The following TRPC3 variants were observed in gnomAD, a reference collection of about 807,000 sequenced individuals.
TRPC3 encodes transient receptor potential cation channel subfamily C member 3, also known as short transient receptor potential channel 3.
Under a neutral mutation model 90.9 loss-of-function variants are expected in TRPC3, and 54 were observed. The ratio of observed to expected loss-of-function variants is 0.59; its 90% CI spans 0.48 to 0.75. TRPC3 has a LOEUF of 0.75. Ranked by LOEUF, TRPC3 falls within the 30% of genes least tolerant of loss-of-function variation. The pLI is 0.00. For missense variants in TRPC3, 918 were observed against 1,194.5 expected (o/e 0.77, Z 3.41); for synonymous variants, 424 against 450.9 (o/e 0.94, Z 0.75).
At chr4:121,914,705 T>C in intron 4 of TRPC3, 75 bp downstream of exon 4, 2 of 1,385,220 alleles carry the variant, frequency 1.4e-6, no homozygotes, top group Admixed American at 4.5e-5. Context: ...TTCTTAAGCA[T>C]GAAGCTTTTT....
Position 121,932,558 on chromosome 4 carries a change from T to C in TRPC3, c.700A>G (p.Ile234Val), listed in dbSNP as rs1729978744. The change falls in exon 2 of 12, where the codon ATC becomes GTC. Residue 234 changes from isoleucine to valine, a missense_variant. Physicochemically the swap from Ile to Val is conservative, Grantham distance 29 (BLOSUM62 3). Coordinates refer to ENST00000379645, the MANE Select transcript of TRPC3 (RefSeq NM_001130698.2). This position sits in a 1 kb window ranked among gnomAD's most constrained non-coding sequence, Gnocchi z 7.7. ...TGCGCCGCCAGGATGATGGGGGTGA[T>C]GTCCGGCGAGAAGCGCGTGCCGTCC... ...DEDGTRFSPD[I>V]TPIILAAHCQ... 1.2e-6 allele frequency: 2 copies of C among 1,614,100 alleles called. No homozygotes were observed. Among genetic ancestry groups the C allele is most frequent in the African/African-American group, 1.3e-5 (1 of 74,946 alleles).
chr4:121,875,049 A>T lies in TRPC3; in HGVS notation c.*4687T>A, dbSNP rs1421896434. Reference sequence around the variant, plus strand: ...CAACAATGTTTAAATGAAAACAAAAATATAGGAGAAAAGAGTTAATATCTT... The same window carrying T: ...CAACAATGTTTAAATGAAAACAAAATTATAGGAGAAAAGAGTTAATATCTT... On this transcript the variant is annotated 3_prime_UTR_variant, in exon 12 of 12. Transcript: ENST00000379645. Among the ~76,000 whole-genome samples the T allele has an allele frequency of 6.6e-6, 1 of 152,164 alleles. No individual in the cohort carries two copies.
intron 4 of TRPC3, 26 bp from the exon 5 acceptor site, chr4:121,912,119 T>C: frequency 6.2e-7 from 1 of 1,604,430 alleles, no homozygotes; most frequent in Non-Finnish European, 8.5e-7. Flanking sequence ...GAGGAAAAGT[T>C]TGCTTCAGAA....
At chr4:121,934,061 C>T (rs779313992) in intron 1 of TRPC3, among the ~76,000 whole-genome samples, 3 of 152,154 alleles carry the variant, frequency 2.0e-5, no homozygotes, top group Non-Finnish European at 2.9e-5. Flanking sequence ...CAGATCAATG[C>T]GCACTGAAAT....
intron 10 of TRPC3, among the ~76,000 whole-genome samples, chr4:121,892,353 G>A (rs934372719): frequency 5.9e-5 from 9 of 152,128 alleles, no homozygotes; most frequent in African/African-American, 2.2e-4. Flanking sequence ...GCAGATAGGT[G>A]GTTTGTGCAA....
intron 1 of TRPC3, among the ~76,000 whole-genome samples, chr4:121,939,576 T>C (rs1244947338): frequency 6.6e-6 from 1 of 152,220 alleles, no homozygotes; most frequent in Non-Finnish European, 1.5e-5. Flanking sequence ...AGTAATGGAA[T>C]GATATGGGAA....
rs371143303 is a variant in TRPC3 at position 121,904,387 on chromosome 4, T to C, written c.2188A>G (p.Thr730Ala). 4 of 1,605,124 alleles carry C rather than the reference T, an allele frequency of 2.5e-6. No individual in the cohort carries two copies. The highest frequency in any genetic ancestry group is 3.4e-6 in the Non-Finnish European group (4 of 1,177,862). The part of the protein sequence containing the change: ...GYVLYGIYNV[T>A]MVVVLLNMLI... The stretch of plus-strand genomic sequence containing the variant: ...ATGTTGAGTAAAACGACCACCATAG[T>C]TACATTGTATATTCCATAAAGAACG... The change falls in exon 8 of 12, where the codon ACT (threonine) becomes GCT (alanine). Residue 730 changes from threonine to alanine, a missense_variant. By Grantham distance (58) the Thr-to-Ala change is moderately conservative (BLOSUM62 0). Transcript: ENST00000379645.
rs931991481 is a variant in TRPC3, at chr4:121,951,401, G to C, written c.215+65C>G. 12 of 1,083,272 alleles carry C rather than the reference G, an allele frequency of 1.1e-5. No individual in the cohort carries two copies. The highest frequency in any genetic ancestry group is 1.4e-5 in the Non-Finnish European group (12 of 878,504). The allele number at this position is 1,083,272 out of a possible 1,614,324, so 67.1% of individuals were successfully genotyped here. A position where few individuals can be genotyped will look rare whatever the true frequency, so the allele number is the denominator to read the frequency against. ...CTCGACGTGGAGCCGCCCGGCGCGC[G>C]CCTTCCCGCCCCCCGCCCGGCACCG... is the stretch of plus-strand genomic sequence containing the variant. On this transcript the variant is annotated intron_variant, in intron 1 of 11. Coordinates refer to ENST00000379645, the MANE Select transcript of TRPC3 (RefSeq NM_001130698.2). This position sits in a 1 kb window ranked among gnomAD's most constrained non-coding sequence, Gnocchi z 4.4.
chr4:121,941,422 C>T (rs751517813), intron 1 of TRPC3, among the ~76,000 whole-genome samples: 1 of 152,072 alleles, frequency 6.6e-6, no homozygotes, highest in Non-Finnish European at 1.5e-5. Context: ...GGATCCTGTG[C>T]GTCAGTTTTG....
rs779641419 is a variant in TRPC3, at chr4:121,914,891, G to T, written c.1230C>A (p.Asn410Lys). ...TGGTCTGCTCCCTTAGGCCTGAGAG[G>T]TTCTCATACCAGATCGTCAAGAGCT... is the stretch of plus-strand genomic sequence containing the variant. Reference protein sequence around the residue: ...QQQLLTIWYENLSGLREQTIA... With the variant: ...QQQLLTIWYEKLSGLREQTIA... Residue 410 changes from asparagine to lysine, a missense_variant, in exon 4 of 12, where the codon AAC (asparagine) becomes AAA (lysine). Asn to Lys is a moderately conservative substitution (Grantham distance 94, BLOSUM62 0). This residue lies in a region of TRPC3 where 609 missense variants were observed against 725.9 expected (regional missense o/e 0.84). Transcript: ENST00000379645. The T allele has an allele frequency of 7.4e-6, 12 of 1,613,346 alleles. No homozygotes were observed. In the Admixed American group the frequency reaches 1.0e-4, roughly 13 times the overall value.
At chr4:121,947,045 T>C (rs1171161424) in intron 1 of TRPC3, among the ~76,000 whole-genome samples, 8 of 151,716 alleles carry the variant, frequency 5.3e-5, no homozygotes, top group Admixed American at 6.6e-5. Flanking sequence ...TAGTCAGTTA[T>C]GGTAGTGTGT....
intron 10 of TRPC3, among the ~76,000 whole-genome samples, chr4:121,897,492 AT>A (rs200296838): frequency 7.9e-6 from 1 of 126,736 alleles, no homozygotes; most frequent in African/African-American, 3.0e-5. Flanking sequence ...AAAAAAAAAA[AT>A]TCCAATTAAA....
intron 1 of TRPC3, among the ~76,000 whole-genome samples, chr4:121,935,419 G>GGGT (rs111983914): frequency 4.8e-5 from 7 of 147,238 alleles, no homozygotes; most frequent in African/African-American, 1.8e-4. Flanking sequence ...ACATGTGTGG[G>GGGT]GTGTGTGTGT....
chr4:121,882,856 T>G (rs1477819999), intron 10 of TRPC3, among the ~76,000 whole-genome samples: 1 of 152,092 alleles, frequency 6.6e-6, no homozygotes, highest in Non-Finnish European at 1.5e-5. Flanking sequence ...AATAAACAAA[T>G]GAAATCATTG....
In TRPC3 at chr4:121,904,502, G is replaced by T. The variant is rs772859650; in HGVS notation, c.2073C>A (p.Phe691Leu). 5 of 1,560,186 alleles carry T rather than the reference G, an allele frequency of 3.2e-6. No individual in the cohort carries two copies. ...NAAFTTVEES[F>L]KTLFWSIFGL... is the part of the protein sequence containing the mutation. Reference sequence around the variant, plus strand: ...CAAATATTGACCAAAATAAAGTCTTGAAACTTTCTTCTACACTGTTGAAAA... The same window carrying T: ...CAAATATTGACCAAAATAAAGTCTTTAAACTTTCTTCTACACTGTTGAAAA... The change falls in exon 8 of 12, where the codon TTC becomes TTA. Residue 691 changes from phenylalanine to leucine, a missense_variant. Physicochemically the swap from Phe to Leu is conservative, Grantham distance 22 (BLOSUM62 0). Coordinates refer to ENST00000379645, the MANE Select transcript of TRPC3 (RefSeq NM_001130698.2).
chr4:121,948,840 G>GTTTTTTTTTTTTTTTTTTTTT (rs10626464), intron 1 of TRPC3, among the ~76,000 whole-genome samples: 1 of 147,960 alleles, frequency 6.8e-6, no homozygotes, highest in Non-Finnish European at 1.5e-5. Flanking sequence ...ACTCTTTGCG[G>GTTTTTTTTTTTTTTTTTTTTT]TTTTTTTTTT....
At chr4:121,942,034 G>A (rs1560719157) in intron 1 of TRPC3, among the ~76,000 whole-genome samples, 2 of 152,144 alleles carry the variant, frequency 1.3e-5, no homozygotes, top group African/African-American at 4.8e-5. Context: ...CATTGTCACA[G>A]TAACAACCAA....
chr4:121,892,246 A>G (rs1016810967), intron 10 of TRPC3, among the ~76,000 whole-genome samples: 1 of 152,222 alleles, frequency 6.6e-6, no homozygotes, highest in African/African-American at 2.4e-5. Context: ...GACATATAGT[A>G]TAATCCACTT....
At chr4:121,936,666 A>T (rs571388341) in intron 1 of TRPC3, among the ~76,000 whole-genome samples, 11 of 152,148 alleles carry the variant, frequency 7.2e-5, no homozygotes, top group Non-Finnish European at 1.2e-4. Flanking sequence ...TGGGGCTCTG[A>T]TGATGGGATT....
Sources: gnomAD v4.1 joint callset for allele counts (sites outside exome capture counted in the v4.1 genomes callset) on GRCh38, gnomAD v4.1.1 for gene constraint, gnomAD v4.1.1 regional missense constraint, Gnocchi (gnomAD v3.1) non-coding constraint, MANE v1.5 for transcripts, NCBI Gene and HGNC (gene_info 2026-07-23, HGNC 2026-07-21) for gene names.